The following OGG1 variants were observed in gnomAD, a reference collection of about 807,000 sequenced individuals.
OGG1 encodes N-glycosylase/DNA lyase.
A neutral mutation model predicts 42.3 loss-of-function variants in OGG1; 35 were observed. The observed-to-expected ratio is 0.83, with a 90% CI of 0.63 to 1.10. The LOEUF (loss-of-function observed/expected upper bound fraction) is 1.10. Ranked by LOEUF, OGG1 falls within the 50% of genes least tolerant of loss-of-function variation. The pLI, the probability that OGG1 is intolerant of heterozygous loss-of-function variation, is 0.00. For missense variants in OGG1, 484 were observed against 446.7 expected, an observed-to-expected ratio of 1.08 and a Z score of -0.75; for synonymous variants, 189 against 179.0, an observed-to-expected ratio of 1.06 and a Z score of -0.44.
chr3:9,768,374 T>A (rs546234207), downstream of OGG1, among the ~76,000 whole-genome samples: 4 of 152,340 alleles, frequency 2.6e-5, no homozygotes, highest in East Asian at 7.7e-4. Flanking sequence ...ACTCCCCATC[T>A]GGGTCCCGGG....
intron 2 of OGG1, among the ~76,000 whole-genome samples, chr3:9,773,402 G>T (rs532378808): frequency 3.3e-4 from 50 of 152,142 alleles, no homozygotes; most frequent in African/African-American, 1.2e-3. Context: ...TTAGCCAGGC[G>T]TGGTGGCGGG....
chr3:9,758,961 C>G (rs1249448625), downstream of OGG1: 5 of 523,720 alleles, frequency 9.5e-6, no homozygotes, highest in Non-Finnish European at 1.7e-5. Flanking sequence ...CAAATACTTG[C>G]CTAAGATTCT....
At chr3:9,777,769 C>T (rs1233596755) in intron 2 of OGG1, among the ~76,000 whole-genome samples, 5 of 152,280 alleles carry the variant, frequency 3.3e-5, no homozygotes, top group Non-Finnish European at 2.9e-5. Flanking sequence ...CCACCTCCTC[C>T]ACAAAACTGT....
At position 9,750,466 on chromosome 3, in the gene OGG1, C is replaced by T. The variant is rs747341021; in HGVS notation, c.137+43C>T. On this transcript the variant is annotated intron_variant, in intron 1 of 6. Transcript: ENST00000344629. ...AGAAGCCTGTCCCCTCGGACTGGCTCCTGCCGCCTCAACACTGCCTGGCAT... is the reference window on the plus strand; with the variant it reads ...AGAAGCCTGTCCCCTCGGACTGGCTTCTGCCGCCTCAACACTGCCTGGCAT... The T allele has an allele frequency of 4.8e-5, 77 of 1,611,260 alleles. 2 individuals carry two copies. The South Asian group carries it at 7.8e-4, about 16-fold the overall frequency.
intron 2 of OGG1, among the ~76,000 whole-genome samples, chr3:9,773,680 T>TTTTA (rs1393529263): frequency 2.9e-4 from 44 of 151,412 alleles, no homozygotes; most frequent in East Asian, 7.7e-4. Flanking sequence ...CCATCAATTC[T>TTTTA]TTTATTTATT....
At chr3:9,789,602 T>G (rs778855642), downstream of OGG1, 6 of 1,613,940 alleles carry the variant, frequency 3.7e-6, no homozygotes, top group African/African-American at 1.3e-5. Context: ...AGGGCTCCAC[T>G]GAAGCCCAGA....
downstream of OGG1, chr3:9,757,648 G>A (rs377716166): frequency 2.0e-5 from 33 of 1,614,104 alleles, no homozygotes; most frequent in African/African-American, 1.7e-4. The surrounding 1 kb of genome is among the most constrained non-coding windows in gnomAD (Gnocchi z 4.5). Context: ...AACAGAGGTG[G>A]CCGCAGGGGC....
chr3:9,766,421 C>T (rs1225284904), exon 8 of OGG1: 1 of 474,110 alleles, frequency 2.1e-6, no homozygotes, highest in Non-Finnish European at 3.9e-6. Context: ...AAAGAACCAT[C>T]AGCATCACCC....
At chr3:9,755,549 C>T (rs1389845759) in intron 4 of OGG1, among the ~76,000 whole-genome samples, 2 of 151,666 alleles carry the variant, frequency 1.3e-5, no homozygotes, top group Admixed American at 1.3e-4. Flanking sequence ...CTGCAACCTC[C>T]GCCTCCCGGC....
downstream of OGG1, chr3:9,767,764 C>G (rs746266424): frequency 1.9e-6 from 3 of 1,613,768 alleles, no homozygotes; most frequent in South Asian, 2.2e-5. Flanking sequence ...CACTGCCCCC[C>G]GACCACAGCC....
intron 3 of OGG1, among the ~76,000 whole-genome samples, chr3:9,782,483 C>A (rs944191291): frequency 6.6e-5 from 10 of 152,220 alleles, no homozygotes; most frequent in African/African-American, 1.9e-4. Flanking sequence ...ATTAGTCACT[C>A]TTATCCTTAA....
intron 3 of OGG1, among the ~76,000 whole-genome samples, chr3:9,785,687 T>C (rs1301337739): frequency 1.3e-5 from 2 of 152,208 alleles, no homozygotes; most frequent in African/African-American, 4.8e-5. Flanking sequence ...AGCTAAGGTT[T>C]GTGAAGCGTC....
intron 7 of OGG1, chr3:9,765,665 G>C: frequency 7.1e-7 from 1 of 1,407,156 alleles, no homozygotes; most frequent in Non-Finnish European, 9.8e-7. Flanking sequence ...AAGGCTTAGA[G>C]AGTTTAAATG....
chr3:9,766,157 G>T, exon 8 of OGG1: 1 of 965,502 alleles, frequency 1.0e-6, no homozygotes, highest in Admixed American at 2.0e-5. Context: ...CTGTTGAGCT[G>T]GTAGGATGTA....
Position 9,750,034 on chromosome 3 carries a change from G to C in OGG1, c.-253G>C. On this transcript the variant is annotated 5_prime_UTR_variant, in exon 1 of 7. Coordinates refer to ENST00000344629, the MANE Select transcript of OGG1 (RefSeq NM_002542.6). ...AGGCTCTGGGGGCGGGAGAAGATAA[G>C]TCGCAAGGAGGGGGCGGGACCTACA... 1.8e-6 allele frequency: 1 copy of C among 553,822 alleles called. No homozygotes were observed. 34.3% of individuals were successfully genotyped at this position (553,822 alleles called of 1,614,324 possible). A position where few individuals can be genotyped will look rare whatever the true frequency, so the allele number is the denominator to read the frequency against.
chr3:9,757,055 C>T lies in OGG1; in HGVS notation c.949-6C>T. 1 of 1,614,092 alleles carries T rather than the reference C, an allele frequency of 6.2e-7. No individual in the cohort carries two copies. The highest frequency in any genetic ancestry group is 8.5e-7 in the Non-Finnish European group (1 of 1,180,026). On this transcript the variant is annotated splice_region_variant and splice_polypyrimidine_tract_variant and intron_variant, in intron 6 of 6. Coordinates refer to ENST00000344629, the MANE Select transcript of OGG1 (RefSeq NM_002542.6). This position sits in a 1 kb window ranked among gnomAD's most constrained non-coding sequence, Gnocchi z 4.5. ...TCCTCCCCACACAGACTCCACCCTC[C>T]TACAGGTGCTGTTCAGTGCCGACCT...
chr3:9,782,267 A>G (rs2078493944), intron 3 of OGG1, among the ~76,000 whole-genome samples: 1 of 152,202 alleles, frequency 6.6e-6, no homozygotes, highest in Non-Finnish European at 1.5e-5. Flanking sequence ...AAACTATTAT[A>G]GAAAGAGGCT....
chr3:9,789,993 G>A (rs1005205622), downstream of OGG1: 3 of 1,556,078 alleles, frequency 1.9e-6, no homozygotes, highest in Non-Finnish European at 2.6e-6. Flanking sequence ...TCACTGAGGG[G>A]GAGAAGGGAA....
At chr3:9,777,027 T>A (rs752319252) in intron 2 of OGG1, among the ~76,000 whole-genome samples, 1 of 152,216 alleles carries the variant, frequency 6.6e-6, no homozygotes, top group Non-Finnish European at 1.5e-5. Flanking sequence ...GCCATCACTT[T>A]CTTTTCAGCA....
Sources: gnomAD v4.1 joint callset for allele counts (sites outside exome capture counted in the v4.1 genomes callset) on GRCh38, gnomAD v4.1.1 for gene constraint, Gnocchi (gnomAD v3.1) non-coding constraint, MANE v1.5 for transcripts, NCBI Gene and HGNC (gene_info 2026-07-23, HGNC 2026-07-21) for gene names.